Variants in MBNL1 observed in about 807,000 individuals in gnomAD.
The protein encoded by MBNL1 is muscleblind-like protein 1.
A neutral mutation model predicts 42.2 loss-of-function variants in MBNL1; 8 were observed. The observed-to-expected ratio is 0.19, with a 90% confidence interval of 0.11 to 0.34. The LOEUF (loss-of-function observed/expected upper bound fraction) is 0.34, where lower values mean the gene tolerates loss of function less well. MBNL1 is among the 10% of genes least tolerant of loss of function. The pLI is 1.00. For synonymous variants in MBNL1, 169 were observed against 173.9 expected (o/e 0.97, Z 0.22); for missense variants, 309 against 495.3 (o/e 0.62, Z 3.57).
chr3:152,465,535 C>G lies in MBNL1; in HGVS notation c.*3169C>G, dbSNP rs998614567. On this transcript the variant is annotated 3_prime_UTR_variant, in exon 10 of 10. Transcript: ENST00000324210. ...AGAATTAGTGTATCCAGCCTTCACT[C>G]CAGCTGGTTAAAAATGTTGCACTTA... 1.3e-5 allele frequency: 2 copies of G among 152,594 alleles called. No individual in the cohort carries two copies. The highest frequency in any genetic ancestry group is 6.5e-5 in the Admixed American group (1 of 15,280). The allele number at this position is 152,594 out of a possible 1,614,324, so 9.5% of individuals were successfully genotyped here.
chr3:152,280,770 A>T (rs753936487), intron 1 of MBNL1, among the ~76,000 whole-genome samples: 1 of 152,118 alleles, frequency 6.6e-6, no homozygotes, highest in Non-Finnish European at 1.5e-5. Flanking sequence ...TGAAAGTGCA[A>T]CTGTGCATAT....
chr3:152,325,921 C>T (rs1448784179), intron 2 of MBNL1, among the ~76,000 whole-genome samples: 1 of 151,926 alleles, frequency 6.6e-6, no homozygotes, highest in Non-Finnish European at 1.5e-5. Flanking sequence ...TATCAGTCAG[C>T]ATTTTGTATG....
intron 2 of MBNL1, among the ~76,000 whole-genome samples, chr3:152,396,874 G>T (rs558441774): frequency 6.6e-6 from 1 of 152,248 alleles, no homozygotes; most frequent in Admixed American, 6.5e-5. Context: ...ACAAGAAATG[G>T]TCTGTATGAA....
chr3:152,352,517 T>C (rs915054989), intron 2 of MBNL1, among the ~76,000 whole-genome samples: 16 of 152,196 alleles, frequency 1.1e-4, no homozygotes, highest in Non-Finnish European at 1.9e-4. Flanking sequence ...CACATCGCCC[T>C]GTCTCACATT....
upstream of MBNL1, chr3:152,268,759 G>A (rs756271657): frequency 1.1e-5 from 5 of 454,838 alleles, no homozygotes; most frequent in African/African-American, 1.0e-4. Context: ...GGGAAGCGCG[G>A]GAGGGCGCCG....
chr3:152,369,084 G>T (rs1361650000), intron 2 of MBNL1, among the ~76,000 whole-genome samples: 1 of 152,126 alleles, frequency 6.6e-6, no homozygotes, highest in Non-Finnish European at 1.5e-5. Context: ...TCCTTATCTT[G>T]TGCCAGTATT....
intron 2 of MBNL1, among the ~76,000 whole-genome samples, chr3:152,395,564 A>G: frequency 6.6e-6 from 1 of 152,152 alleles, no homozygotes; most frequent in South Asian, 2.1e-4. Flanking sequence ...ATTACTCTTG[A>G]CTTCTCTTAA....
intron 3 of MBNL1, among the ~76,000 whole-genome samples, chr3:152,418,127 G>T (rs1342345162): frequency 2.0e-5 from 3 of 152,124 alleles, no homozygotes; most frequent in Non-Finnish European, 4.4e-5. Flanking sequence ...TACATTAGGG[G>T]CATTTACTGC....
chr3:152,372,051 G>C (rs143117773), intron 2 of MBNL1, among the ~76,000 whole-genome samples: 14 of 151,958 alleles, frequency 9.2e-5, no homozygotes, highest in African/African-American at 2.7e-4. Flanking sequence ...TCATTAAGTT[G>C]ATCTTCAATC....
intron 2 of MBNL1, among the ~76,000 whole-genome samples, chr3:152,331,952 A>G (rs929868715): frequency 7.9e-5 from 12 of 152,142 alleles, no homozygotes; most frequent in Non-Finnish European, 1.6e-4. Flanking sequence ...TCAGCCTCCC[A>G]AAGTGCTGGG....
chr3:152,431,708 C>T (rs193118251), intron 3 of MBNL1, among the ~76,000 whole-genome samples: 107 of 152,200 alleles, frequency 7.0e-4, no homozygotes, highest in Non-Finnish European at 1.3e-3. Context: ...CAGAAACAAA[C>T]ATTATTAAAC....
chr3:152,413,419 A>G (rs1319361766), intron 2 of MBNL1, among the ~76,000 whole-genome samples: 1 of 152,180 alleles, frequency 6.6e-6, no homozygotes, highest in Admixed American at 6.5e-5. Flanking sequence ...GCATTTGATG[A>G]GTAAGAGAGC....
chr3:152,388,853 C>G (rs1207387768), intron 2 of MBNL1, among the ~76,000 whole-genome samples: 1 of 152,116 alleles, frequency 6.6e-6, no homozygotes, highest in Non-Finnish European at 1.5e-5. Flanking sequence ...GAAGAAATAT[C>G]TTTATCACAC....
Position 152,327,612 on chromosome 3 carries a change from G to A in MBNL1, c.174+27245G>A, listed in dbSNP as rs370751893. Among the ~76,000 whole-genome samples, 37 of 152,314 alleles carry A rather than the reference G, an allele frequency of 2.4e-4. No homozygotes were observed. In the East Asian group the frequency reaches 6.0e-3, roughly 25 times the overall value. ...GATCTGTCTGCCTTGGCCTCCCAAA[G>A]TGCTGGGATTATAGGCTTAAGCCAC... On this transcript the variant is annotated intron_variant, in intron 2 of 9. Coordinates refer to ENST00000324210, the MANE Select transcript of MBNL1 (RefSeq NM_021038.5).
chr3:152,280,892 A>G (rs1394260143), intron 1 of MBNL1, among the ~76,000 whole-genome samples: 5 of 152,100 alleles, frequency 3.3e-5, no homozygotes, highest in African/African-American at 9.7e-5. Context: ...ATTTTTATTC[A>G]TAAATATTTG....
intron 2 of MBNL1, among the ~76,000 whole-genome samples, chr3:152,351,686 G>T (rs2095017009): frequency 6.6e-6 from 1 of 152,078 alleles, no homozygotes; most frequent in Non-Finnish European, 1.5e-5. Context: ...CTGGCCTCAG[G>T]AATCACTAGC....
chr3:152,243,685 C>T (rs990673178), upstream of MBNL1: 4 of 152,012 alleles, frequency 2.6e-5, no homozygotes, highest in Non-Finnish European at 4.4e-5. Flanking sequence ...CAAGTTAATT[C>T]CCATATATCA....
intron 5 of MBNL1, chr3:152,446,695 CTAAT>C: frequency 6.2e-7 from 1 of 1,613,590 alleles, no homozygotes; most frequent in Non-Finnish European, 8.5e-7. Context: ...TCGCTGCCTG[CTAAT>C]TAAGACTCAG....
intron 2 of MBNL1, among the ~76,000 whole-genome samples, chr3:152,411,181 A>G (rs1290941251): frequency 6.6e-6 from 1 of 152,216 alleles, no homozygotes; most frequent in Admixed American, 6.5e-5. Context: ...GCTCTATTTG[A>G]TAAAATTATA....
Sources: allele counts gnomAD v4.1 joint callset (sites outside exome capture counted in the v4.1 genomes callset), GRCh38; gene constraint gnomAD v4.1.1; transcripts MANE v1.5; gene names NCBI Gene and HGNC (gene_info 2026-07-23, HGNC 2026-07-21).